FMN1: variants seen among roughly 807,000 people sequenced by gnomAD.
FMN1 encodes formin 1.
In FMN1, 110 loss-of-function variants were observed where a neutral mutation model predicts 132.4. The observed-to-expected ratio is 0.83, with a 90% confidence interval of 0.71 to 0.97. The LOEUF (loss-of-function observed/expected upper bound fraction) is 0.97, where lower values mean the gene tolerates loss of function less well. Among genes scored for constraint, FMN1 ranks in the 50% least tolerant of loss-of-function variants. The pLI, the probability that FMN1 is intolerant of heterozygous loss-of-function variation, is 0.00. For synonymous variants in FMN1, 722 were observed against 651.7 expected (o/e 1.11, Z -1.64); for missense variants, 1,792 against 1,705.3 (o/e 1.05, Z -0.90).
chr15:33,051,146 C>CTA (rs2036951019), intron 6 of FMN1, among the ~76,000 whole-genome samples: 1 of 152,076 alleles, frequency 6.6e-6, no homozygotes, highest in Non-Finnish European at 1.5e-5. Flanking sequence ...GCTTTTTCCT[C>CTA]TATATATATA....
At chr15:33,018,805 T>G (rs1472427487) in intron 6 of FMN1, among the ~76,000 whole-genome samples, 1 of 152,202 alleles carries the variant, frequency 6.6e-6, no homozygotes, top group Non-Finnish European at 1.5e-5. Context: ...GTGGTCTCGC[T>G]GGCTTCAGTG....
At chr15:32,872,526 A>G (rs545825219) in intron 16 of FMN1, among the ~76,000 whole-genome samples, 10 of 152,360 alleles carry the variant, frequency 6.6e-5, no homozygotes, top group East Asian at 1.9e-4. Flanking sequence ...GTCAAAATGC[A>G]TATTTTGTGG....
chr15:33,024,223 A>AATTT (rs2035559173), intron 6 of FMN1, among the ~76,000 whole-genome samples: 1 of 87,940 alleles, frequency 1.1e-5, no homozygotes, highest in Non-Finnish European at 2.1e-5. Context: ...CACCTATCAG[A>AATTT]TTTTTTTTTT....
intron 6 of FMN1, among the ~76,000 whole-genome samples, chr15:33,031,594 A>T (rs565396879): frequency 6.6e-6 from 1 of 152,302 alleles, no homozygotes; most frequent in East Asian, 1.9e-4. Context: ...TCATTTCATG[A>T]AGGCAACTCC....
intron 4 of FMN1, among the ~76,000 whole-genome samples, chr15:33,090,291 C>A (rs2198642): frequency 6.6e-6 from 1 of 152,164 alleles, no homozygotes; most frequent in Non-Finnish European, 1.5e-5. Flanking sequence ...ATGCTGAAAC[C>A]TGACTTACAC....
intron 3 of FMN1, among the ~76,000 whole-genome samples, chr15:33,157,808 T>C (rs1406679918): frequency 2.0e-5 from 3 of 152,022 alleles, no homozygotes; most frequent in South Asian, 2.1e-4. Context: ...CTGGGGAACA[T>C]AGTGAAAGCT....
At position 33,154,948 on chromosome 15, in the gene FMN1, C is replaced by A. The variant is rs1023995438; in HGVS notation, c.-34G>T. ...CCTAATTATTCATGCCTTGGAGATG[C>A]CGGTTTGTGGTCAGGCTTCCCAGGC... On this transcript the variant is annotated 5_prime_UTR_variant, in exon 4 of 21. Transcript: ENST00000616417. 3.7e-5 allele frequency: 55 copies of A among 1,490,884 alleles called. No individual in the cohort carries two copies. The highest frequency in any genetic ancestry group is 4.6e-5 in the Non-Finnish European group (52 of 1,123,384). 92.4% of individuals were successfully genotyped at this position (1,490,884 alleles called of 1,614,324 possible).
intron 17 of FMN1, among the ~76,000 whole-genome samples, chr15:32,841,162 A>C (rs1204473255): frequency 6.6e-6 from 1 of 152,196 alleles, no homozygotes; most frequent in Non-Finnish European, 1.5e-5. Context: ...CGTGGGAAAC[A>C]ATACAGGCTA....
At chr15:32,967,284 CCA>C (rs1212130099) in intron 8 of FMN1, among the ~76,000 whole-genome samples, 1 of 152,124 alleles carries the variant, frequency 6.6e-6, no homozygotes, top group African/African-American at 2.4e-5. Flanking sequence ...CTGCTGTGGT[CCA>C]CAGTTACCTG....
intron 4 of FMN1, among the ~76,000 whole-genome samples, chr15:33,089,576 T>A (rs2141362803): frequency 6.6e-6 from 1 of 152,394 alleles, no homozygotes; most frequent in South Asian, 2.1e-4. Flanking sequence ...CATAGGATGA[T>A]AATCATTAAC....
intron 4 of FMN1, among the ~76,000 whole-genome samples, chr15:33,128,702 G>A (rs577706757): frequency 4.5e-4 from 69 of 152,254 alleles, no homozygotes; most frequent in African/African-American, 1.5e-3. Context: ...ATAAACCCGC[G>A]GACCCTCACG....
intron 17 of FMN1, among the ~76,000 whole-genome samples, chr15:32,841,967 A>G (rs557186020): frequency 2.6e-5 from 4 of 152,302 alleles, no homozygotes; most frequent in African/African-American, 7.2e-5. Context: ...GGAACGATCA[A>G]TTAGGACACC....
At chr15:32,950,423 C>G (rs535294364) in intron 9 of FMN1, among the ~76,000 whole-genome samples, 3 of 152,120 alleles carry the variant, frequency 2.0e-5, no homozygotes, top group African/African-American at 7.2e-5. Context: ...ATAGCAAAGA[C>G]ATGGAATCAA....
chr15:32,856,705 G>C (rs2059139916), intron 17 of FMN1, among the ~76,000 whole-genome samples: 1 of 152,200 alleles, frequency 6.6e-6, no homozygotes, highest in Non-Finnish European at 1.5e-5. Context: ...TCATTTGTCA[G>C]TAAACACGGG....
intron 17 of FMN1, among the ~76,000 whole-genome samples, chr15:32,810,155 G>T (rs942400781): frequency 1.3e-5 from 2 of 152,184 alleles, no homozygotes; most frequent in African/African-American, 4.8e-5. Context: ...GACCTCAAGT[G>T]ATCCATCTGC....
chr15:32,809,413 C>A (rs887584260), intron 17 of FMN1, among the ~76,000 whole-genome samples: 1 of 152,128 alleles, frequency 6.6e-6, no homozygotes, highest in African/African-American at 2.4e-5. Flanking sequence ...GCTTAATGTT[C>A]TCACTGGTTC....
At chr15:32,944,846 C>T (rs115752426) in intron 9 of FMN1, among the ~76,000 whole-genome samples, 1 of 151,978 alleles carries the variant, frequency 6.6e-6, no homozygotes, top group Non-Finnish European at 1.5e-5. Flanking sequence ...AGAAGACAAA[C>T]CCCCAAACAA....
intron 2 of FMN1, among the ~76,000 whole-genome samples, chr15:33,183,000 A>C (rs1965754625): frequency 6.6e-6 from 1 of 152,128 alleles, no homozygotes. Context: ...AAAACTAATA[A>C]ATGATAGAAT....
At chr15:33,065,793 C>T (rs1325385995) in intron 5 of FMN1, among the ~76,000 whole-genome samples, 1 of 152,178 alleles carries the variant, frequency 6.6e-6, no homozygotes, top group Non-Finnish European at 1.5e-5. Flanking sequence ...TTAAGATCTA[C>T]TGGACAGGTA....
Sources: allele counts gnomAD v4.1 joint callset (sites outside exome capture counted in the v4.1 genomes callset), GRCh38; gene constraint gnomAD v4.1.1; transcripts MANE v1.5; gene names NCBI Gene and HGNC (gene_info 2026-07-23, HGNC 2026-07-21).